The following MYO10 variants were observed in gnomAD, a reference collection of about 807,000 sequenced individuals.
MYO10 encodes the protein unconventional myosin-X.
A neutral mutation model predicts 257.3 loss-of-function variants in MYO10; 133 were observed. The observed-to-expected ratio is 0.52, with a 90% confidence interval of 0.45 to 0.60. The LOEUF is 0.60. Ranked by LOEUF, MYO10 falls within the 20% of genes least tolerant of loss-of-function variation. MYO10 has a pLI of 0.00. For synonymous variants in MYO10, 1,104 were observed against 1,028.6 expected (o/e 1.07, Z -1.40); for missense variants, 2,399 against 2,635.7 (o/e 0.91, Z 1.97).
At position 16,870,310 on chromosome 5, in the gene MYO10, C is replaced by G. The variant is rs547680589; in HGVS notation, c.120+7299G>C. On this transcript the variant is annotated intron_variant, in intron 2 of 40. Transcript: ENST00000513610. ...CTAATACTGGTGGAATACGGAAGGG[C>G]TTGAGTGCTTCTTGCTCTTCATTTT... Among the ~76,000 whole-genome samples, 12 of 151,528 alleles carry G rather than the reference C, an allele frequency of 7.9e-5. 1 individual carries two copies. Among genetic ancestry groups the G allele is most frequent in the African/African-American group, 2.9e-4 (12 of 40,972 alleles).
chr5:16,735,026 A>T (rs1739733200), intron 19 of MYO10, among the ~76,000 whole-genome samples: 1 of 152,130 alleles, frequency 6.6e-6, no homozygotes, highest in Admixed American at 6.5e-5. Flanking sequence ...GTGACAAACC[A>T]ATGACCTGTG....
At chr5:16,848,738 C>T (rs916419593) in intron 2 of MYO10, among the ~76,000 whole-genome samples, 4 of 151,228 alleles carry the variant, frequency 2.6e-5, no homozygotes, top group Admixed American at 6.6e-5. Context: ...TTGTCTACAG[C>T]GGCACCATCA....
chr5:16,842,097 A>C (rs971159205), intron 2 of MYO10, among the ~76,000 whole-genome samples: 1 of 152,150 alleles, frequency 6.6e-6, no homozygotes, highest in African/African-American at 2.4e-5. Context: ...GTATAAAGTA[A>C]AACTTTAAAA....
chr5:16,796,462 A>AAGAC lies in MYO10; in HGVS notation c.280-1630_280-1629insGTCT, dbSNP rs1741969801. On this transcript the variant is annotated intron_variant, in intron 3 of 40. Coordinates refer to ENST00000513610, the MANE Select transcript of MYO10 (RefSeq NM_012334.3). Reference sequence around the variant, plus strand: ...AAAGACAGAAAGAAAGAAAGAAAGAAAGAAAGAAAAGAAAAGAAAAGAAAG... The same window carrying AAGAC: ...AAAGACAGAAAGAAAGAAAGAAAGAAAGACAGAAAGAAAAGAAAAGAAAAGAAAG... Among the ~76,000 whole-genome samples, 7 of 96,546 alleles carry AAGAC rather than the reference A, an allele frequency of 7.3e-5. 1 individual carries two copies. Among genetic ancestry groups the AAGAC allele is most frequent in the Middle Eastern group, 0.011 (2 of 188 alleles). The allele number at this position is 96,546 out of a possible 152,430, so 63.3% of individuals were successfully genotyped here. A position where few individuals can be genotyped will look rare whatever the true frequency, so the allele number is the denominator to read the frequency against.
chr5:16,918,862 C>T (rs775831406), intron 1 of MYO10, among the ~76,000 whole-genome samples: 2 of 152,122 alleles, frequency 1.3e-5, no homozygotes, highest in Non-Finnish European at 2.9e-5. Context: ...GCCAATCACT[C>T]GGGATGAGTG....
rs1482024965 is a variant in MYO10, at chr5:16,792,126, C to G, written c.467+2520G>C. Among the ~76,000 whole-genome samples the G allele has an allele frequency of 2.2e-3, 272 of 122,582 alleles. 1 individual carries two copies. Among genetic ancestry groups the G allele is most frequent in the African/African-American group, 7.5e-3 (263 of 34,872 alleles). The allele number at this position is 122,582 out of a possible 152,430, so 80.4% of individuals were successfully genotyped here. The stretch of plus-strand genomic sequence containing the variant: ...ACACATACATACACACACACACACA[C>G]ACACACAGAGAGAGAGAGAGAGAGA... On this transcript the variant is annotated intron_variant, in intron 4 of 40. Transcript: ENST00000513610.
At chr5:16,818,399 T>C (rs1206154443) in intron 2 of MYO10, among the ~76,000 whole-genome samples, 11 of 118,596 alleles carry the variant, frequency 9.3e-5, no homozygotes, top group Admixed American at 2.6e-4. Flanking sequence ...TGTGTGTGTG[T>C]GTGTGTGTGT....
chr5:16,827,415 T>C (rs886674573), intron 2 of MYO10, among the ~76,000 whole-genome samples: 3 of 152,148 alleles, frequency 2.0e-5, no homozygotes, highest in Admixed American at 2.0e-4. Flanking sequence ...GCCTCCCGGA[T>C]AGCTGGAATT....
At position 16,701,855 on chromosome 5, in the gene MYO10, G is replaced by C; in HGVS notation, c.2557-17C>G. ...TTCTTCTTCCTGGACAGAAGCAGAA[G>C]GGAGATTTCAGAAGGCTTCAGTACA... On this transcript the variant is annotated splice_polypyrimidine_tract_variant and intron_variant, in intron 24 of 40. Coordinates refer to ENST00000513610, the MANE Select transcript of MYO10 (RefSeq NM_012334.3). This position sits in a 1 kb window ranked among gnomAD's most constrained non-coding sequence, Gnocchi z 8.1. The C allele has an allele frequency of 6.4e-7, 1 of 1,569,642 alleles. No individual in the cohort carries two copies. The highest frequency in any genetic ancestry group is 8.6e-7 in the Non-Finnish European group (1 of 1,163,700).
chr5:16,860,431 G>A lies in MYO10; in HGVS notation c.120+17178C>T, dbSNP rs116646940. 5.3e-3 allele frequency among the ~76,000 whole-genome samples: 810 copies of A among 152,152 alleles called. 8 individuals are homozygous for A. The highest frequency in any genetic ancestry group is 0.019 in the African/African-American group (774 of 41,500). ...ATTTCAGTGTGAATAAAATCATTCG[G>A]GCAACTCGTTAAATGCAGATCCCAG... On this transcript the variant is annotated intron_variant, in intron 2 of 40. Coordinates refer to ENST00000513610, the MANE Select transcript of MYO10 (RefSeq NM_012334.3).
intron 28 of MYO10, among the ~76,000 whole-genome samples, chr5:16,687,502 G>GCAGGATAC (rs1737305192): frequency 6.6e-6 from 1 of 151,082 alleles, no homozygotes; most frequent in South Asian, 2.1e-4. Flanking sequence ...CCTGCTGGGG[G>GCAGGATAC]CTTATAAGAC....
rs540811989 is a variant in MYO10 at position 16,877,455 on chromosome 5, T to G, written c.120+154A>C. ...TTGTATCTATTACACACACATGGTTTACATTCTACATTCCCACTGGGATTT... is the reference window on the plus strand; with the variant it reads ...TTGTATCTATTACACACACATGGTTGACATTCTACATTCCCACTGGGATTT... On this transcript the variant is annotated intron_variant, in intron 2 of 40. Transcript: ENST00000513610. Among the ~76,000 whole-genome samples, 119 of 152,340 alleles carry G rather than the reference T, an allele frequency of 7.8e-4. 1 individual carries two copies. Among genetic ancestry groups the G allele is most frequent in the African/African-American group, 2.8e-3 (118 of 41,576 alleles).
chr5:16,823,495 A>G (rs1299865735), intron 2 of MYO10, among the ~76,000 whole-genome samples: 3 of 16,454 alleles, frequency 1.8e-4, no homozygotes, highest in Admixed American at 7.7e-4. Flanking sequence ...TTTGTGAGAC[A>G]GAGTCTCACT....
At chr5:16,881,793 A>C (rs1744761399) in intron 1 of MYO10, among the ~76,000 whole-genome samples, 1 of 152,196 alleles carries the variant, frequency 6.6e-6, no homozygotes, top group South Asian at 2.1e-4. Flanking sequence ...GCATTTGAAA[A>C]CAAAGTCACA....
At chr5:16,715,554 C>A (rs1738824579) in intron 19 of MYO10, among the ~76,000 whole-genome samples, 1 of 56,026 alleles carries the variant, frequency 1.8e-5, no homozygotes, top group Admixed American at 2.1e-4. Context: ...CCTGCCTCCG[C>A]CTCCCAAAGT....
At chr5:16,672,592 C>A in intron 37 of MYO10, 97 bp downstream of exon 37, 1 of 1,432,126 alleles carries the variant, frequency 7.0e-7, no homozygotes, top group Admixed American at 1.9e-5. Context: ...TCCAATACAG[C>A]GTGAAGCCAC....
chr5:16,784,884 C>T (rs919754328), intron 4 of MYO10, among the ~76,000 whole-genome samples: 5 of 152,184 alleles, frequency 3.3e-5, no homozygotes, highest in African/African-American at 2.4e-5. Flanking sequence ...CTGGTCTAGA[C>T]AACCACAGTC....
At chr5:16,806,061 C>T (rs1486782734) in intron 3 of MYO10, among the ~76,000 whole-genome samples, 1 of 151,996 alleles carries the variant, frequency 6.6e-6, no homozygotes, top group East Asian at 1.9e-4. Flanking sequence ...TCAAGTGTAA[C>T]TGGCCGGGTG....
rs950746088 is a variant in MYO10, at chr5:16,671,279, G to C, written c.5430+143C>G. 9 of 1,077,952 alleles carry C rather than the reference G, an allele frequency of 8.3e-6. No homozygotes were observed. In the Admixed American group the frequency reaches 2.5e-4, roughly 30 times the overall value. 66.8% of individuals were successfully genotyped at this position (1,077,952 alleles called of 1,614,324 possible). On this transcript the variant is annotated intron_variant, in intron 38 of 40. Coordinates refer to ENST00000513610, the MANE Select transcript of MYO10 (RefSeq NM_012334.3). ...AGCAGGTTTCATTCTACAAACGAAT[G>C]AAAGAGCAGCTGGTCTTGTCTTTGC... is the stretch of plus-strand genomic sequence containing the variant.
Sources: gnomAD v4.1 joint callset for allele counts (sites outside exome capture counted in the v4.1 genomes callset) on GRCh38, gnomAD v4.1.1 for gene constraint, Gnocchi (gnomAD v3.1) non-coding constraint, MANE v1.5 for transcripts, NCBI Gene and HGNC (gene_info 2026-07-23, HGNC 2026-07-21) for gene names.